Variants in DPP10 observed in about 807,000 individuals in gnomAD.
DPP10 encodes the protein dipeptidyl peptidase like 10.
A neutral mutation model predicts 120.9 loss-of-function variants in DPP10; 33 were observed. That is an observed-to-expected ratio of 0.27 (90% CI 0.21 to 0.37). DPP10 has a LOEUF of 0.37. DPP10 is among the 10% of genes least tolerant of loss of function. The probability of loss-of-function intolerance (pLI) is 1.00; values close to 1 mark genes in which losing one functional copy is unlikely to be tolerated. For missense variants in DPP10, 816 were observed against 942.8 expected (o/e 0.87, Z 1.76); for synonymous variants, 337 against 326.1 (o/e 1.03, Z -0.36).
At chr2:115,255,842 G>A (rs1034785546) in intron 1 of DPP10, among the ~76,000 whole-genome samples, 1 of 152,184 alleles carries the variant, frequency 6.6e-6, no homozygotes, top group African/African-American at 2.4e-5. Context: ...TCTCTAGAAA[G>A]TTCCAAACCT....
chr2:114,831,750 G>C lies in DPP10; in HGVS notation c.60+388912G>C, dbSNP rs114124179. On this transcript the variant is annotated intron_variant, in intron 1 of 25. Coordinates refer to ENST00000410059, the MANE Select transcript of DPP10 (RefSeq NM_020868.6). ...CAGAGTACAATTTAACTGAAATACA[G>C]TACCACATTCATACTTCAAATGGTT... 1.6e-3 allele frequency among the ~76,000 whole-genome samples: 236 copies of C among 151,740 alleles called. 1 individual carries two copies. The highest frequency in any genetic ancestry group is 5.4e-3 in the African/African-American group (225 of 41,408).
At chr2:115,575,824 AG>A (rs2081620021) in intron 5 of DPP10, among the ~76,000 whole-genome samples, 1 of 152,176 alleles carries the variant, frequency 6.6e-6, no homozygotes, top group Non-Finnish European at 1.5e-5. Context: ...GAAGAAGAAA[AG>A]CCATTCTAAG....
At chr2:114,744,665 A>G (rs1678397789) in intron 1 of DPP10, among the ~76,000 whole-genome samples, 1 of 152,200 alleles carries the variant, frequency 6.6e-6, no homozygotes, top group Non-Finnish European at 1.5e-5. Flanking sequence ...GACCTGGTGG[A>G]ATCTTGGTTG....
intron 8 of DPP10, among the ~76,000 whole-genome samples, chr2:115,734,326 C>T (rs1265461836): frequency 6.6e-6 from 1 of 152,000 alleles, no homozygotes; most frequent in Non-Finnish European, 1.5e-5. Context: ...TTTTAGCCAA[C>T]GGGGTATCTT....
chr2:115,483,025 G>A (rs2075533627), intron 3 of DPP10, among the ~76,000 whole-genome samples: 1 of 151,986 alleles, frequency 6.6e-6, no homozygotes, highest in Non-Finnish European at 1.5e-5. Context: ...GGTAAATAAG[G>A]AAATTTTAAT....
intron 5 of DPP10, among the ~76,000 whole-genome samples, chr2:115,554,661 T>C (rs2080099344): frequency 6.6e-6 from 1 of 152,086 alleles, no homozygotes; most frequent in African/African-American, 2.4e-5. Flanking sequence ...GAAAACATCT[T>C]TCTTCTTAAG....
chr2:115,520,886 T>TG (rs113470283), intron 4 of DPP10, among the ~76,000 whole-genome samples: 3 of 152,292 alleles, frequency 2.0e-5, no homozygotes, highest in African/African-American at 7.2e-5. Flanking sequence ...ATCATTGTAA[T>TG]GGGGCCTCTT....
chr2:115,770,859 CT>C (rs1157143885), intron 13 of DPP10, among the ~76,000 whole-genome samples: 3 of 151,950 alleles, frequency 2.0e-5, no homozygotes, highest in Non-Finnish European at 4.4e-5. Context: ...ATTTTACATT[CT>C]TTTTTCATGA....
At chr2:115,376,629 C>A (rs1309355730) in intron 3 of DPP10, among the ~76,000 whole-genome samples, 1 of 150,868 alleles carries the variant, frequency 6.6e-6, no homozygotes. Context: ...TATACATGTG[C>A]CATGCTGGTG....
At chr2:115,289,417 T>A (rs1000674905) in intron 1 of DPP10, among the ~76,000 whole-genome samples, 1 of 148,804 alleles carries the variant, frequency 6.7e-6, no homozygotes, top group African/African-American at 2.5e-5. Context: ...TTCAGTGTGA[T>A]TCTTATCAAA....
intron 1 of DPP10, among the ~76,000 whole-genome samples, chr2:115,109,948 G>T (rs980319123): frequency 6.6e-6 from 1 of 152,190 alleles, no homozygotes; most frequent in African/African-American, 2.4e-5. Context: ...ATAATTCTCT[G>T]CCATCTTCAA....
chr2:115,084,548 G>A (rs1335159397), intron 1 of DPP10, among the ~76,000 whole-genome samples: 1 of 152,140 alleles, frequency 6.6e-6, no homozygotes, highest in Non-Finnish European at 1.5e-5. Context: ...GAATTTCCTG[G>A]GCAAGTGTGC....
chr2:115,304,058 CTTTGAACTA>C (rs2061259224), intron 1 of DPP10, among the ~76,000 whole-genome samples: 1 of 151,972 alleles, frequency 6.6e-6, no homozygotes, highest in Non-Finnish European at 1.5e-5. Context: ...GCATAAATGT[CTTTGAACTA>C]TTTCAAACCT....
intron 1 of DPP10, among the ~76,000 whole-genome samples, chr2:114,951,767 C>T (rs1697804469): frequency 6.6e-6 from 1 of 152,088 alleles, no homozygotes; most frequent in Admixed American, 6.5e-5. Context: ...GCACTCTTAA[C>T]TAATTTCACC....
At chr2:115,724,392 T>C (rs989033735) in intron 7 of DPP10, among the ~76,000 whole-genome samples, 2 of 152,226 alleles carry the variant, frequency 1.3e-5, no homozygotes, top group African/African-American at 4.8e-5. Flanking sequence ...TGCCCAGCAG[T>C]GATGTATATT....
At chr2:115,325,229 T>C (rs1038611926) in intron 2 of DPP10, among the ~76,000 whole-genome samples, 2 of 152,138 alleles carry the variant, frequency 1.3e-5, no homozygotes, top group African/African-American at 4.8e-5. Context: ...CTGCAAAGTG[T>C]AATTGAGCAA....
At chr2:114,479,097 T>C (rs1680778965) in intron 1 of DPP10, among the ~76,000 whole-genome samples, 1 of 149,134 alleles carries the variant, frequency 6.7e-6, no homozygotes, top group Non-Finnish European at 1.5e-5. Flanking sequence ...ATGCTGAAAA[T>C]GACAAAATGC....
intron 9 of DPP10, among the ~76,000 whole-genome samples, chr2:115,745,856 G>A (rs760415941): frequency 4.6e-5 from 7 of 152,056 alleles, no homozygotes; most frequent in South Asian, 2.1e-4. Context: ...AAGTCATCAC[G>A]ATTTCCTATC....
At chr2:115,797,968 T>C (rs111780465) in intron 19 of DPP10, among the ~76,000 whole-genome samples, 3,085 of 151,272 alleles carry the variant, frequency 0.02, 96 homozygotes, top group African/African-American at 0.067. Context: ...TATATATATA[T>C]ACACACGTAT....
Sources: allele counts gnomAD v4.1 joint callset (sites outside exome capture counted in the v4.1 genomes callset), GRCh38; gene constraint gnomAD v4.1.1; transcripts MANE v1.5; gene names NCBI Gene and HGNC (gene_info 2026-07-23, HGNC 2026-07-21).